Variants in RYR3 observed in about 807,000 individuals in gnomAD.
The protein encoded by RYR3 is ryanodine receptor 3, also known as brain ryanodine receptor-calcium release channel.
In RYR3, 207 loss-of-function variants were observed where a neutral mutation model predicts 584.3. The observed-to-expected ratio is 0.35, with a 90% CI of 0.32 to 0.40. The LOEUF (loss-of-function observed/expected upper bound fraction) is 0.40, where lower values mean the gene tolerates loss of function less well. Among genes scored for constraint, RYR3 ranks in the 10% least tolerant of loss-of-function variants. RYR3 has a pLI of 1.00. For synonymous variants in RYR3, 2,416 were observed against 2,248.5 expected, an observed-to-expected ratio of 1.07 and a Z score of -2.11; for missense variants, 5,616 against 6,089.2, an observed-to-expected ratio of 0.92 and a Z score of 2.59.
intron 31 of RYR3, 112 bp from the exon 32 acceptor site, chr15:33,652,606 A>G: frequency 8.9e-7 from 1 of 1,121,124 alleles, no homozygotes; most frequent in Admixed American, 2.7e-5. Flanking sequence ...GCTGAACAGA[A>G]AGCTTCCTAG....
rs569546429 is a variant in RYR3 at position 33,688,879 on chromosome 15, A to T, written c.5861-7339A>T. Among the ~76,000 whole-genome samples the T allele has an allele frequency of 3.9e-4, 60 of 152,322 alleles. 2 individuals carry two copies. In the South Asian group the frequency reaches 0.012, roughly 30 times the overall value. The stretch of plus-strand genomic sequence containing the variant: ...ATCCGGCAATCCCATTACTGGGTAT[A>T]TACCCAAAGGATTATAAGTCATGCT... On this transcript the variant is annotated intron_variant, in intron 38 of 103. Coordinates refer to ENST00000634891, the MANE Select transcript of RYR3 (RefSeq NM_001036.6).
intron 1 of RYR3, among the ~76,000 whole-genome samples, chr15:33,312,672 C>T (rs1005658336): frequency 1.3e-5 from 2 of 151,668 alleles, no homozygotes; most frequent in African/African-American, 2.4e-5. Context: ...CATTTCTTCT[C>T]CTTATTATTA....
rs920478446 is a variant in RYR3 at position 33,802,701 on chromosome 15, C to T, written c.10011+740C>T. ...TCAAGTGTACATACAAAAGCAAAGC[C>T]TACTTAAATGTGATGTTTTGTTACC... On this transcript the variant is annotated intron_variant, in intron 69 of 103. Coordinates refer to ENST00000634891, the MANE Select transcript of RYR3 (RefSeq NM_001036.6). Among the ~76,000 whole-genome samples the T allele has an allele frequency of 2.8e-4, 42 of 152,168 alleles. 1 individual carries two copies. Among genetic ancestry groups the T allele is most frequent in the African/African-American group, 9.7e-4 (40 of 41,420 alleles).
At chr15:33,382,230 G>A (rs1482491327) in intron 1 of RYR3, among the ~76,000 whole-genome samples, 3 of 151,360 alleles carry the variant, frequency 2.0e-5, no homozygotes, top group African/African-American at 7.3e-5. Flanking sequence ...TAAGGGACTC[G>A]TCTGCTGAAT....
chr15:33,624,418 T>C (rs1209309035), intron 20 of RYR3, among the ~76,000 whole-genome samples: 1 of 152,200 alleles, frequency 6.6e-6, no homozygotes, highest in East Asian at 1.9e-4. Flanking sequence ...TCTAGAAGTC[T>C]GTGTGGTAAG....
intron 16 of RYR3, among the ~76,000 whole-genome samples, chr15:33,593,527 G>C (rs892145721): frequency 6.6e-6 from 1 of 152,148 alleles, no homozygotes; most frequent in Non-Finnish European, 1.5e-5. Context: ...TAGTAGGCAG[G>C]TATGAAAGTG....
chr15:33,565,363 A>G (rs965902889), intron 11 of RYR3, among the ~76,000 whole-genome samples: 1 of 152,204 alleles, frequency 6.6e-6, no homozygotes, highest in Non-Finnish European at 1.5e-5. Context: ...AGTGATTCCA[A>G]TGGTAACAGT....
intron 94 of RYR3, among the ~76,000 whole-genome samples, chr15:33,848,826 CTTTTTTTTTTTTTTTT>C (rs769204969): frequency 4.0e-5 from 3 of 75,252 alleles, no homozygotes; most frequent in African/African-American, 1.2e-4. Context: ...CTGAAGTCCT[CTTTTTTTTTTTTTTTT>C]TTTTTTTTTT....
At chr15:33,751,058 A>G (rs2071250881) in intron 57 of RYR3, among the ~76,000 whole-genome samples, 3 of 152,344 alleles carry the variant, frequency 2.0e-5, no homozygotes, top group Non-Finnish European at 2.9e-5. Context: ...TGCAAAGGAC[A>G]TGAACTCATC....
intron 102 of RYR3, among the ~76,000 whole-genome samples, chr15:33,863,923 G>A (rs1319284461): frequency 1.3e-5 from 2 of 152,154 alleles, no homozygotes; most frequent in Non-Finnish European, 2.9e-5. Context: ...ATGGCAAAAA[G>A]CATCTCTCCT....
chr15:33,630,549 A>G (rs546489718), intron 22 of RYR3, among the ~76,000 whole-genome samples: 27 of 152,286 alleles, frequency 1.8e-4, no homozygotes, highest in African/African-American at 6.5e-4. Context: ...TCTAGTTGTC[A>G]CTGCAGAACA....
intron 1 of RYR3, among the ~76,000 whole-genome samples, chr15:33,386,832 T>C (rs1005201374): frequency 1.3e-5 from 2 of 152,136 alleles, no homozygotes; most frequent in African/African-American, 2.4e-5. Context: ...TGTTGTATCA[T>C]GTGTCAGAAT....
chr15:33,822,896 C>T, intron 80 of RYR3, 100 bp from the exon 81 acceptor site: 1 of 880,164 alleles, frequency 1.1e-6, no homozygotes, highest in South Asian at 1.9e-5. Flanking sequence ...GCAGAGCGTC[C>T]AACTCAGTGT....
chr15:33,518,172 T>A (rs2053678224), intron 3 of RYR3, among the ~76,000 whole-genome samples: 1 of 152,204 alleles, frequency 6.6e-6, no homozygotes, highest in South Asian at 2.1e-4. Flanking sequence ...CACAAACTGC[T>A]TCTCTTAGAT....
intron 66 of RYR3, among the ~76,000 whole-genome samples, chr15:33,787,234 G>A (rs532672161): frequency 6.6e-6 from 1 of 152,322 alleles, no homozygotes; most frequent in South Asian, 2.1e-4. Context: ...CACATAAGAT[G>A]TAGCCATTCC....
In RYR3 at chr15:33,347,450, C is replaced by CT. The variant is rs780033353; in HGVS notation, c.51+36368dup. Among the ~76,000 whole-genome samples, 1,357 of 141,208 alleles carry CT rather than the reference C, an allele frequency of 9.6e-3. 20 individuals carry two copies. Among genetic ancestry groups the CT allele is most frequent in the African/African-American group, 0.03 (1,163 of 38,786 alleles). 92.6% of individuals were successfully genotyped at this position (141,208 alleles called of 152,430 possible). A position where few individuals can be genotyped will look rare whatever the true frequency, so the allele number is the denominator to read the frequency against. On this transcript the variant is annotated intron_variant, in intron 1 of 103. Coordinates refer to ENST00000634891, the MANE Select transcript of RYR3 (RefSeq NM_001036.6). Reference sequence around the variant, plus strand: ...TTGTGTCAGATTTGGACATTGGGAGCTTTTTTTTTTTTTTGAGACGGAGTC... The same window carrying CT: ...TTGTGTCAGATTTGGACATTGGGAGCTTTTTTTTTTTTTTTGAGACGGAGTC...
chr15:33,838,692 C>T lies in RYR3; in HGVS notation c.12712C>T (p.Pro4238Ser), dbSNP rs781551317. ...CAAGATCCTGGGTGACATGCCTGAC[C>T]CAACCCAATTTGGTATCCATGATGA... ...VTKILGDMPD[P>S]TQFGIHDDTM... is the part of the protein sequence containing the mutation. The change falls in exon 89 of 104, where the codon CCA becomes TCA. Residue 4238 changes from proline to serine, a missense_variant. Around this residue, in one of 9 missense-constraint regions of RYR3, gnomAD observed 918 missense variants for 887.4 expected, o/e 1.03. Transcript: ENST00000634891. The T allele has an allele frequency of 6.2e-7, 1 of 1,613,830 alleles. No individual in the cohort carries two copies. The highest frequency in any genetic ancestry group is 1.1e-5 in the South Asian group (1 of 91,046).
chr15:33,464,489 T>TATATATACACACAC (rs1450450145), intron 1 of RYR3, among the ~76,000 whole-genome samples: 4 of 67,446 alleles, frequency 5.9e-5, no homozygotes, highest in African/African-American at 3.3e-4. Flanking sequence ...TATATATATA[T>TATATATACACACAC]ACACATATAT....
intron 1 of RYR3, among the ~76,000 whole-genome samples, chr15:33,370,717 A>G (rs2040270521): frequency 1.3e-5 from 2 of 152,310 alleles, no homozygotes; most frequent in Admixed American, 1.3e-4. Context: ...AAAGTCAAGT[A>G]AAGCATCCAG....
Sources: gnomAD v4.1 joint callset for allele counts (sites outside exome capture counted in the v4.1 genomes callset) on GRCh38, gnomAD v4.1.1 for gene constraint, gnomAD v4.1.1 regional missense constraint, MANE v1.5 for transcripts, NCBI Gene and HGNC (gene_info 2026-07-23, HGNC 2026-07-21) for gene names.